GALNT6: variants seen among roughly 807,000 people sequenced by gnomAD.
GALNT6 encodes the protein GalNAc transferase 6.
GALNT6 carries 51 observed loss-of-function variants against 65.9 expected under a neutral mutation model. That is an observed-to-expected ratio of 0.77 (90% CI 0.62 to 0.98). GALNT6 has a LOEUF of 0.98. GALNT6 is among the 50% of genes least tolerant of loss of function. GALNT6 has a pLI of 0.00. For missense variants in GALNT6, 708 were observed against 803.3 expected, an observed-to-expected ratio of 0.88 and a Z score of 1.43; for synonymous variants, 323 against 315.1, an observed-to-expected ratio of 1.02 and a Z score of -0.26.
In GALNT6 at chr12:51,388,423, G is replaced by A. The variant is rs372369667; in HGVS notation, c.-104+2427C>T. ...CACCCTCAAGCCCAACCAGATGCTT[G>A]GCACTCACTGGCTATCTTTTCTTCC... On this transcript the variant is annotated intron_variant, in intron 2 of 11. Coordinates refer to ENST00000356317, the MANE Select transcript of GALNT6 (RefSeq NM_007210.4). Among the ~76,000 whole-genome samples the A allele has an allele frequency of 9.9e-5, 15 of 152,280 alleles. 1 individual carries two copies. The South Asian group carries it at 2.9e-3, about 29-fold the overall frequency.
At chr12:51,383,459 AC>A (rs1237916667) in intron 2 of GALNT6, 1 of 151,952 alleles carries the variant, frequency 6.6e-6, no homozygotes, top group Non-Finnish European at 1.5e-5. Context: ...CTCAAGACTC[AC>A]CCCCTCCAGG....
rs199696117 is a variant in GALNT6 at position 51,379,284 on chromosome 12, T to C, written c.491+7A>G. 4 of 1,520,138 alleles carry C rather than the reference T, an allele frequency of 2.6e-6. No individual in the cohort carries two copies. The highest frequency in any genetic ancestry group is 4.5e-5 in the Admixed American group (2 of 44,202). The allele number at this position is 1,520,138 out of a possible 1,614,324, so 94.2% of individuals were successfully genotyped here. On this transcript the variant is annotated splice_region_variant and intron_variant, in intron 3 of 11. Transcript: ENST00000356317. ...GTCTCCCCACAAGGACTCTGGGTGC[T>C]ACTTACTCAGGTGGTCGGGTGTCTG...
intron 2 of GALNT6, among the ~76,000 whole-genome samples, chr12:51,384,940 C>G (rs952918675): frequency 3.9e-5 from 6 of 152,238 alleles, no homozygotes; most frequent in African/African-American, 1.4e-4. Flanking sequence ...AAGAAAATAT[C>G]AAAGTGCATC....
chr12:51,384,226 G>A (rs985715462), intron 2 of GALNT6, among the ~76,000 whole-genome samples: 43 of 152,114 alleles, frequency 2.8e-4, no homozygotes, highest in Non-Finnish European at 4.4e-5. Context: ...TGAACAAATG[G>A]GATTTGCTTC....
At chr12:51,354,537 T>G (rs756482298) in intron 11 of GALNT6, 45 bp from the exon 12 acceptor site, 1 of 1,256,246 alleles carries the variant, frequency 8.0e-7, no homozygotes, top group East Asian at 2.5e-5. Context: ...CACAGACCTC[T>G]TAACGGTGCT....
rs377635461 is a variant in GALNT6, at chr12:51,364,222, T to C, written c.948A>G (p.Arg316=). Residue 316 remains arginine (R), a synonymous_variant, in exon 6 of 12, where the codon AGA becomes AGG. Coordinates refer to ENST00000356317, the MANE Select transcript of GALNT6 (RefSeq NM_007210.4). ...FEFAKPVQRG[R]VHSRGNFDWS... The stretch of plus-strand genomic sequence containing the variant: ...AGTCAAAGTTGCCTCGGCTATGGAC[T>C]CTGCCCCTCTGGACGGGCTTGGCGA... 1 of 1,613,986 alleles carries C rather than the reference T, an allele frequency of 6.2e-7. No homozygotes were observed. The highest frequency in any genetic ancestry group is 1.3e-5 in the African/African-American group (1 of 74,926).
At chr12:51,370,650 A>C (rs898574221) in intron 4 of GALNT6, among the ~76,000 whole-genome samples, 5 of 152,236 alleles carry the variant, frequency 3.3e-5, no homozygotes, top group African/African-American at 1.2e-4. Flanking sequence ...AATCAAATTC[A>C]TAGAGACAGA....
intron 10 of GALNT6, 21 bp downstream of exon 10, chr12:51,357,328 G>A (rs1423158883): frequency 8.1e-6 from 12 of 1,487,554 alleles, no homozygotes; most frequent in Middle Eastern, 1.7e-4. Context: ...GAGATGCTCC[G>A]GAGATGGGTG....
chr12:51,361,776 C>T (rs1019487023), intron 6 of GALNT6, among the ~76,000 whole-genome samples: 1 of 151,886 alleles, frequency 6.6e-6, no homozygotes, highest in African/African-American at 2.4e-5. Flanking sequence ...CAATCATCAG[C>T]TGCTGGTTTC....
chr12:51,382,661 T>G (rs988265567), intron 2 of GALNT6, among the ~76,000 whole-genome samples: 1 of 152,078 alleles, frequency 6.6e-6, no homozygotes, highest in Admixed American at 6.5e-5. Context: ...ACCCAAGGCA[T>G]GGGGAGTAAT....
intron 2 of GALNT6, among the ~76,000 whole-genome samples, chr12:51,390,597 C>A (rs998877396): frequency 6.6e-6 from 1 of 152,224 alleles, no homozygotes; most frequent in African/African-American, 2.4e-5. Context: ...GAGAATAGGG[C>A]CTGTGTGGTG....
chr12:51,357,659 G>A (rs887301346), intron 9 of GALNT6, among the ~76,000 whole-genome samples: 2 of 152,218 alleles, frequency 1.3e-5, no homozygotes, highest in Non-Finnish European at 2.9e-5. Flanking sequence ...GGCTGGAAAG[G>A]GCAGGACTGA....
At position 51,364,087 on chromosome 12, in the gene GALNT6, C is replaced by T. The variant is rs764909977; in HGVS notation, c.1049+34G>A. On this transcript the variant is annotated intron_variant, in intron 6 of 11. Coordinates refer to ENST00000356317, the MANE Select transcript of GALNT6 (RefSeq NM_007210.4). ...TTCCTGGAACTGGGTAGGACTGGGGCCAGGTTGGGGGCTCACCAGGCTGCG... is the reference window on the plus strand; with the variant it reads ...TTCCTGGAACTGGGTAGGACTGGGGTCAGGTTGGGGGCTCACCAGGCTGCG... 19 of 1,467,322 alleles carry T rather than the reference C, an allele frequency of 1.3e-5. No homozygotes were observed. In the African/African-American group the frequency reaches 1.8e-4, roughly 14 times the overall value. The allele number at this position is 1,467,322 out of a possible 1,614,324, so 90.9% of individuals were successfully genotyped here.
At chr12:51,366,720 C>T (rs1385185901) in intron 4 of GALNT6, among the ~76,000 whole-genome samples, 6 of 152,064 alleles carry the variant, frequency 3.9e-5, no homozygotes, top group Admixed American at 1.3e-4. Flanking sequence ...ATTTGAGGAG[C>T]GGGGAAAGCT....
At chr12:51,363,794 C>G (rs1946999799) in intron 6 of GALNT6, among the ~76,000 whole-genome samples, 1 of 152,150 alleles carries the variant, frequency 6.6e-6, no homozygotes, top group Non-Finnish European at 1.5e-5. Flanking sequence ...GAATGTATAG[C>G]CCTTAGTTCA....
chr12:51,385,724 C>T (rs1269535840), intron 2 of GALNT6, among the ~76,000 whole-genome samples: 1 of 151,268 alleles, frequency 6.6e-6, no homozygotes, highest in Non-Finnish European at 1.5e-5. Context: ...AGTCTCATCA[C>T]AGCCCACCCT....
chr12:51,364,503 C>T (rs1276481154), intron 5 of GALNT6, 148 bp from the exon 6 acceptor site: 3 of 625,976 alleles, frequency 4.8e-6, no homozygotes, highest in African/African-American at 1.8e-5. Context: ...AGGGAGCACA[C>T]AGAATTTCCT....
At chr12:51,359,003 G>A in intron 8 of GALNT6, 129 bp downstream of exon 8, 2 of 724,562 alleles carry the variant, frequency 2.8e-6, no homozygotes, top group South Asian at 3.3e-5. Flanking sequence ...CTAGCTCACA[G>A]GTCCCTGAGG....
At chr12:51,386,539 A>G (rs1032766166) in intron 2 of GALNT6, among the ~76,000 whole-genome samples, 5 of 152,098 alleles carry the variant, frequency 3.3e-5, no homozygotes. Flanking sequence ...GTTTCTTTCT[A>G]TTTATCAGGT....
Sources: gnomAD v4.1 joint callset for allele counts (sites outside exome capture counted in the v4.1 genomes callset) on GRCh38, gnomAD v4.1.1 for gene constraint, MANE v1.5 for transcripts, NCBI Gene and HGNC (gene_info 2026-07-23, HGNC 2026-07-21) for gene names.